The following PCCA variants were observed in gnomAD, a reference collection of about 807,000 sequenced individuals.
PCCA encodes propionyl-CoA carboxylase alpha chain, mitochondrial.
Under a neutral mutation model 101.3 loss-of-function variants are expected in PCCA, and 74 were observed. The ratio of observed to expected loss-of-function variants is 0.73; its 90% CI spans 0.61 to 0.89. PCCA has a LOEUF of 0.89. PCCA is among the 40% of genes least tolerant of loss of function. The pLI is 0.00. For missense variants in PCCA, 891 were observed against 907.0 expected (o/e 0.98, Z 0.23); for synonymous variants, 294 against 313.6 (o/e 0.94, Z 0.66).
chr13:100,238,466 CCTT>C (rs1479601088), intron 8 of PCCA, among the ~76,000 whole-genome samples: 1 of 152,000 alleles, frequency 6.6e-6, no homozygotes, highest in African/African-American at 2.4e-5. Flanking sequence ...TCTTTCCTGT[CCTT>C]CTTCTAATTC....
chr13:100,142,621 G>A (rs535994909), intron 4 of PCCA, among the ~76,000 whole-genome samples: 7 of 152,042 alleles, frequency 4.6e-5, no homozygotes, highest in South Asian at 2.1e-4. Flanking sequence ...TTACAAGTGC[G>A]TGCCACGACA....
intron 21 of PCCA, among the ~76,000 whole-genome samples, chr13:100,482,895 C>T (rs61970533): frequency 0.051 from 7,839 of 152,232 alleles, 286 homozygotes; most frequent in South Asian, 0.088. Flanking sequence ...GTTGATTTTG[C>T]CTTACAGTCT....
At chr13:100,111,248 G>C (rs1486791926) in intron 2 of PCCA, among the ~76,000 whole-genome samples, 2 of 145,132 alleles carry the variant, frequency 1.4e-5, no homozygotes, top group Non-Finnish European at 3.0e-5. Context: ...GGTCAGGATG[G>C]TCTCGATCTC....
At chr13:100,090,253 T>A (rs1345525362) in intron 1 of PCCA, among the ~76,000 whole-genome samples, 2 of 152,224 alleles carry the variant, frequency 1.3e-5, no homozygotes, top group African/African-American at 4.8e-5. Context: ...AGCTGGAGCT[T>A]ATCGACATGG....
chr13:100,166,023 TTA>T (rs1310207673), intron 6 of PCCA, among the ~76,000 whole-genome samples: 1 of 152,244 alleles, frequency 6.6e-6, no homozygotes, highest in Admixed American at 6.5e-5. Flanking sequence ...AATTGTACAC[TTA>T]TATGTGTACA....
chr13:100,268,933 TC>T (rs2063123785), intron 11 of PCCA, 150 bp downstream of exon 11: 1 of 704,176 alleles, frequency 1.4e-6, no homozygotes, highest in East Asian at 2.7e-5. Context: ...CACTGCAGCC[TC>T]CACCTCCCAG....
rs2068530541 is a variant in PCCA at position 100,325,224 on chromosome 13, G to T, written c.1430-5337G>T. ...TATTGAAGATGCAGCTTTTATGTGG[G>T]TACAGGATTACTATAAGAAAGGCAT... On this transcript the variant is annotated intron_variant, in intron 16 of 23. Coordinates refer to ENST00000376285, the MANE Select transcript of PCCA (RefSeq NM_000282.4). Among the ~76,000 whole-genome samples the T allele has an allele frequency of 2.0e-5, 3 of 152,164 alleles. No individual in the cohort carries two copies. In the South Asian group the frequency reaches 6.2e-4, roughly 32 times the overall value.
chr13:100,515,577 G>C lies in PCCA; in HGVS notation c.2040+10G>C. ...CAAGCCTGGAGACGCGGTAAGGGCT[G>C]TGTGTGTCTCTCTGCAGGACATGCT... On this transcript the variant is annotated intron_variant, in intron 22 of 23. Transcript: ENST00000376285. 6.2e-7 allele frequency: 1 copy of C among 1,612,952 alleles called. No homozygotes were observed. The highest frequency in any genetic ancestry group is 8.5e-7 in the Non-Finnish European group (1 of 1,179,880).
At chr13:100,167,413 G>A (rs1423076687) in intron 6 of PCCA, among the ~76,000 whole-genome samples, 7 of 151,982 alleles carry the variant, frequency 4.6e-5, no homozygotes, top group African/African-American at 1.5e-4. Flanking sequence ...AGATGGGCTT[G>A]GTGGCATGCA....
intron 18 of PCCA, among the ~76,000 whole-genome samples, chr13:100,343,272 G>A (rs1280492424): frequency 6.6e-6 from 1 of 152,120 alleles, no homozygotes; most frequent in Admixed American, 6.5e-5. Context: ...TATCAGAGAA[G>A]ATAAATGAAT....
intron 19 of PCCA, among the ~76,000 whole-genome samples, chr13:100,370,807 C>T (rs1052197412): frequency 2.6e-5 from 4 of 152,090 alleles, no homozygotes; most frequent in Non-Finnish European, 5.9e-5. Flanking sequence ...CTTTTAGGGT[C>T]ATAGACGGGA....
intron 21 of PCCA, among the ~76,000 whole-genome samples, chr13:100,494,353 T>C (rs2085119926): frequency 6.6e-6 from 1 of 152,060 alleles, no homozygotes; most frequent in South Asian, 2.1e-4. Context: ...ATGCCATGGC[T>C]AGGTCAGGAT....
At chr13:100,422,523 G>A (rs997978725) in intron 19 of PCCA, among the ~76,000 whole-genome samples, 1 of 152,146 alleles carries the variant, frequency 6.6e-6, no homozygotes, top group Non-Finnish European at 1.5e-5. Flanking sequence ...GTTTTATCCT[G>A]TTATGTATCT....
chr13:100,356,327 CT>C (rs2073950120), intron 18 of PCCA, among the ~76,000 whole-genome samples: 1 of 152,056 alleles, frequency 6.6e-6, no homozygotes, highest in Admixed American at 6.6e-5. Context: ...AAAGACATCC[CT>C]CAAAATGGGA....
chr13:100,398,035 A>G (rs1254528925), intron 19 of PCCA, among the ~76,000 whole-genome samples: 5 of 152,188 alleles, frequency 3.3e-5, no homozygotes, highest in Non-Finnish European at 5.9e-5. Context: ...TGTTTTTGTG[A>G]TTAGATTTGA....
chr13:100,185,312 GTTTC>G (rs1367221755), intron 6 of PCCA, among the ~76,000 whole-genome samples: 1 of 151,958 alleles, frequency 6.6e-6, no homozygotes, highest in East Asian at 1.9e-4. Context: ...TTCTGTCTTT[GTTTC>G]TTTCTCTCTT....
intron 18 of PCCA, among the ~76,000 whole-genome samples, chr13:100,351,973 T>C (rs1475751730): frequency 6.6e-6 from 1 of 152,142 alleles, no homozygotes; most frequent in African/African-American, 2.4e-5. Context: ...ATGGTTCAAA[T>C]TGTAATGCCC....
At chr13:100,341,008 G>T (rs930849881) in intron 18 of PCCA, among the ~76,000 whole-genome samples, 4 of 152,226 alleles carry the variant, frequency 2.6e-5, no homozygotes, top group Non-Finnish European at 5.9e-5. Context: ...TACTTCTGAA[G>T]AATTAGGTAG....
intron 7 of PCCA, among the ~76,000 whole-genome samples, chr13:100,232,389 T>TGTGTGTGTGTGG (rs2060547613): frequency 1.3e-5 from 2 of 149,624 alleles, no homozygotes; most frequent in African/African-American, 2.5e-5. Context: ...TGTGTGTGTG[T>TGTGTGTGTGTGG]GTGGTTTTAG....
Sources: gnomAD v4.1 joint callset for allele counts (sites outside exome capture counted in the v4.1 genomes callset) on GRCh38, gnomAD v4.1.1 for gene constraint, MANE v1.5 for transcripts, NCBI Gene and HGNC (gene_info 2026-07-23, HGNC 2026-07-21) for gene names.